THSD7B: variants seen among roughly 807,000 people sequenced by gnomAD.
THSD7B encodes the protein thrombospondin type 1 domain containing 7B.
THSD7B carries 138 observed loss-of-function variants against 213.6 expected under a neutral mutation model. That is an observed-to-expected ratio of 0.65 (90% confidence interval 0.56 to 0.74). THSD7B has a LOEUF of 0.74. Ranked by LOEUF, THSD7B falls within the 30% of genes least tolerant of loss-of-function variation. The pLI is 0.00. For missense variants in THSD7B, 1,931 were observed against 1,991.5 expected (o/e 0.97, Z 0.58); for synonymous variants, 742 against 687.0 (o/e 1.08, Z -1.25).
At chr2:137,145,403 T>C (rs952395319) in intron 5 of THSD7B, among the ~76,000 whole-genome samples, 4 of 152,020 alleles carry the variant, frequency 2.6e-5, no homozygotes, top group African/African-American at 9.7e-5. Context: ...CTGGGCCTGA[T>C]TGGAGGCAGG....
intron 3 of THSD7B, among the ~76,000 whole-genome samples, chr2:137,061,283 A>G (rs930884373): frequency 6.8e-6 from 1 of 147,044 alleles, no homozygotes; most frequent in African/African-American, 2.6e-5. Flanking sequence ...ATAAATAAGC[A>G]TGTCAGCATG....
intron 2 of THSD7B, among the ~76,000 whole-genome samples, chr2:136,986,977 A>T (rs1025153428): frequency 6.6e-6 from 1 of 152,236 alleles, no homozygotes; most frequent in Non-Finnish European, 1.5e-5. Context: ...TAGTGACAGC[A>T]AAAGTGTTGA....
At chr2:137,209,081 A>G (rs2105031568) in intron 7 of THSD7B, among the ~76,000 whole-genome samples, 1 of 152,146 alleles carries the variant, frequency 6.6e-6, no homozygotes, top group South Asian at 2.1e-4. Flanking sequence ...CTATAAACTA[A>G]ATTTTTTCTC....
intron 27 of THSD7B, among the ~76,000 whole-genome samples, chr2:137,673,798 G>T: frequency 6.6e-6 from 1 of 152,052 alleles, no homozygotes; most frequent in East Asian, 1.9e-4. Flanking sequence ...TTGAGAGGAG[G>T]CTGATCTATT....
intron 2 of THSD7B, among the ~76,000 whole-genome samples, chr2:136,977,851 C>T (rs10928582): frequency 0.39 from 58,493 of 148,912 alleles, 12,964 homozygotes; most frequent in East Asian, 0.66. Context: ...TCACCCAGGC[C>T]GGAAAAGGCA....
At chr2:136,943,076 G>T (rs1684860172) in intron 2 of THSD7B, among the ~76,000 whole-genome samples, 1 of 152,122 alleles carries the variant, frequency 6.6e-6, no homozygotes, top group African/African-American at 2.4e-5. Flanking sequence ...GTTGAATTTT[G>T]TCAAAGGCCT....
At position 137,451,001 on chromosome 2, in the gene THSD7B, C is replaced by T; in HGVS notation, c.3116C>T (p.Pro1039Leu). 1.2e-6 allele frequency: 2 copies of T among 1,600,896 alleles called. No homozygotes were observed. The highest frequency in any genetic ancestry group is 1.7e-6 in the Non-Finnish European group (2 of 1,173,682). ...EKPYNGGRPC[P>L]KLDLKNQVHE... The stretch of plus-strand genomic sequence containing the variant: ...CCTTACAATGGAGGACGACCATGTC[C>T]CAAACTGGATCTCAAGAATCAGGTA... Residue 1039 changes from proline to leucine, a missense_variant, in exon 15 of 28, where the codon CCC becomes CTC. Physicochemically the swap from Pro to Leu is moderately conservative, Grantham distance 98 (BLOSUM62 -3). Transcript: ENST00000409968.
Position 136,990,762 on chromosome 2 carries a change from T to C in THSD7B, c.140-65658T>C, listed in dbSNP as rs1438773917. On this transcript the variant is annotated intron_variant, in intron 2 of 27. Transcript: ENST00000409968. The stretch of plus-strand genomic sequence containing the variant: ...GTAGTTTGTTCTTCCCCTTCTCTAA[T>C]ACCTTGTTTGAGATGGAGATACTGA... The C allele has an allele frequency of 9.6e-6, 5 of 519,498 alleles. No homozygotes were observed. The Admixed American group carries it at 1.4e-4, about 14-fold the overall frequency. 32.2% of individuals were successfully genotyped at this position (519,498 alleles called of 1,614,324 possible).
chr2:137,493,746 G>A (rs1679488800), intron 15 of THSD7B, among the ~76,000 whole-genome samples: 1 of 151,868 alleles, frequency 6.6e-6, no homozygotes, highest in African/African-American at 2.4e-5. Flanking sequence ...ATGTAAATGT[G>A]TTATCCCCTG....
intron 16 of THSD7B, 95 bp downstream of exon 16, chr2:137,563,449 A>G: frequency 6.9e-7 from 1 of 1,453,704 alleles, no homozygotes; most frequent in South Asian, 1.3e-5. Context: ...GTACACTCTG[A>G]TTTTCATAAC....
chr2:136,808,930 G>A (rs904631826), intron 1 of THSD7B, among the ~76,000 whole-genome samples: 2 of 152,060 alleles, frequency 1.3e-5, no homozygotes, highest in African/African-American at 2.4e-5. Context: ...GCACAAGTTT[G>A]GATACTTGCT....
At chr2:137,215,694 T>G (rs1027517555) in intron 7 of THSD7B, among the ~76,000 whole-genome samples, 1 of 152,212 alleles carries the variant, frequency 6.6e-6, no homozygotes, top group African/African-American at 2.4e-5. Context: ...GCAAGGATTA[T>G]GTTAAGACAT....
At chr2:137,303,428 T>C (rs1683655618) in intron 12 of THSD7B, among the ~76,000 whole-genome samples, 1 of 151,892 alleles carries the variant, frequency 6.6e-6, no homozygotes, top group South Asian at 2.1e-4. Context: ...TTTTTAAACT[T>C]GTATTTAATC....
At chr2:137,480,547 A>T (rs1688283430) in intron 15 of THSD7B, among the ~76,000 whole-genome samples, 1 of 152,240 alleles carries the variant, frequency 6.6e-6, no homozygotes, top group South Asian at 2.1e-4. Context: ...TTATTTTATT[A>T]AATTTGCATG....
chr2:137,675,185 G>A (rs1385468314), intron 27 of THSD7B, among the ~76,000 whole-genome samples: 1 of 151,940 alleles, frequency 6.6e-6, no homozygotes, highest in Non-Finnish European at 1.5e-5. Context: ...GGTGAAATGG[G>A]GGAGGGACTG....
chr2:137,218,910 C>T (rs1252937646), intron 7 of THSD7B, among the ~76,000 whole-genome samples: 1 of 151,804 alleles, frequency 6.6e-6, no homozygotes, highest in Admixed American at 6.6e-5. Context: ...GAGTGAGAAA[C>T]CTATTCTAAG....
intron 17 of THSD7B, among the ~76,000 whole-genome samples, chr2:137,584,512 C>A (rs1681669091): frequency 6.6e-6 from 1 of 152,166 alleles, no homozygotes; most frequent in African/African-American, 2.4e-5. Flanking sequence ...TATGTCCCAT[C>A]AATACCTAGT....
intron 15 of THSD7B, among the ~76,000 whole-genome samples, chr2:137,466,711 G>A (rs1687997009): frequency 6.6e-6 from 1 of 152,004 alleles, no homozygotes; most frequent in Admixed American, 6.6e-5. Context: ...TCTTTATTAG[G>A]ATGATTTGCA....
intron 2 of THSD7B, among the ~76,000 whole-genome samples, chr2:136,905,640 GTTCTCCTATC>G (rs1476542881): frequency 6.6e-6 from 1 of 152,178 alleles, no homozygotes; most frequent in Non-Finnish European, 1.5e-5. Flanking sequence ...TCAGTAGCAT[GTTCTCCTATC>G]TAATACAATA....
Sources: allele counts gnomAD v4.1 joint callset (sites outside exome capture counted in the v4.1 genomes callset), GRCh38; gene constraint gnomAD v4.1.1; transcripts MANE v1.5; gene names NCBI Gene and HGNC (gene_info 2026-07-23, HGNC 2026-07-21).